The following CDC42BPA variants were observed in gnomAD, a reference collection of about 807,000 sequenced individuals.
CDC42BPA encodes the protein CDC42 binding protein kinase alpha.
Under a neutral mutation model 223.5 loss-of-function variants are expected in CDC42BPA, and 80 were observed. That is an observed-to-expected ratio of 0.36 (90% CI 0.30 to 0.43). The LOEUF is 0.43. Among genes scored for constraint, CDC42BPA ranks in the 20% least tolerant of loss-of-function variants. The pLI is 1.00. For missense variants in CDC42BPA, 1,743 were observed against 2,099.9 expected (o/e 0.83, Z 3.32); for synonymous variants, 694 against 718.6 (o/e 0.97, Z 0.55).
intron 1 of CDC42BPA, among the ~76,000 whole-genome samples, chr1:227,314,653 T>C: frequency 6.6e-6 from 1 of 151,992 alleles, no homozygotes; most frequent in Non-Finnish European, 1.5e-5. Flanking sequence ...AGCATAAAGA[T>C]AAGTAGCATC....
intron 15 of CDC42BPA, among the ~76,000 whole-genome samples, chr1:227,095,938 A>G (rs917846282): frequency 7.9e-5 from 12 of 152,190 alleles, no homozygotes; most frequent in African/African-American, 2.9e-4. Context: ...AAACAGGCAT[A>G]TATCTACAGC....
intron 14 of CDC42BPA, among the ~76,000 whole-genome samples, chr1:227,103,025 C>A (rs1193931344): frequency 6.6e-6 from 1 of 151,946 alleles, no homozygotes; most frequent in Non-Finnish European, 1.5e-5. Flanking sequence ...TATCAAAATA[C>A]TATTTACGTG....
At chr1:227,284,069 A>AT (rs1558952128) in intron 1 of CDC42BPA, among the ~76,000 whole-genome samples, 2 of 148,734 alleles carry the variant, frequency 1.3e-5, no homozygotes, top group Non-Finnish European at 3.0e-5. Flanking sequence ...AAATATATAT[A>AT]CTTTTTAATT....
chr1:227,255,912 T>C (rs12133230), intron 1 of CDC42BPA, among the ~76,000 whole-genome samples: 17,567 of 152,072 alleles, frequency 0.12, 1,233 homozygotes, highest in South Asian at 0.18. Flanking sequence ...GCAATCCCTA[T>C]CAAAATTACA....
At chr1:227,003,154 A>C (rs1572176797) in intron 35 of CDC42BPA, among the ~76,000 whole-genome samples, 1 of 152,250 alleles carries the variant, frequency 6.6e-6, no homozygotes, top group Non-Finnish European at 1.5e-5. Flanking sequence ...GAGGAAACTC[A>C]ATCTGCATCA....
At chr1:227,089,673 C>G (rs1253685552) in intron 16 of CDC42BPA, among the ~76,000 whole-genome samples, 1 of 143,234 alleles carries the variant, frequency 7.0e-6, no homozygotes, top group Non-Finnish European at 1.5e-5. Context: ...ATCCTTCAGG[C>G]CTCATCAAGG....
intron 16 of CDC42BPA, among the ~76,000 whole-genome samples, chr1:227,085,309 C>G (rs754188470): frequency 6.6e-6 from 1 of 152,194 alleles, no homozygotes; most frequent in Non-Finnish European, 1.5e-5. Context: ...GAACCAGATG[C>G]AAGTATTTTC....
Position 227,139,748 on chromosome 1 carries a change from GA to G in CDC42BPA, c.1224-7del. The stretch of plus-strand genomic sequence containing the variant: ...AGCTCCGATCAGAAAGTACACTGAA[GA>G]AAAGAAAAAAAAATGTAGGTTCATA... On this transcript the variant is annotated splice_region_variant and splice_polypyrimidine_tract_variant and intron_variant, in intron 9 of 36. Coordinates refer to ENST00000366766, the MANE Select transcript of CDC42BPA (RefSeq NM_001394014.1). The G allele has an allele frequency of 6.8e-7, 1 of 1,471,206 alleles. No individual in the cohort carries two copies. Among genetic ancestry groups the G allele is most frequent in the Non-Finnish European group, 9.0e-7 (1 of 1,114,002 alleles). The allele number at this position is 1,471,206 out of a possible 1,614,324, so 91.1% of individuals were successfully genotyped here.
intron 1 of CDC42BPA, among the ~76,000 whole-genome samples, chr1:227,274,906 C>T (rs1017036370): frequency 2.6e-5 from 4 of 152,090 alleles, no homozygotes; most frequent in African/African-American, 9.7e-5. Flanking sequence ...CTGACCTAGC[C>T]TCAATGTATA....
intron 2 of CDC42BPA, among the ~76,000 whole-genome samples, chr1:227,253,305 T>A (rs775860679): frequency 6.6e-6 from 1 of 152,042 alleles, no homozygotes; most frequent in Non-Finnish European, 1.5e-5. Context: ...TCTTTACAAG[T>A]GAGTCGAAAT....
intron 6 of CDC42BPA, among the ~76,000 whole-genome samples, chr1:227,149,086 C>A (rs1448433097): frequency 6.6e-6 from 1 of 152,140 alleles, no homozygotes; most frequent in East Asian, 1.9e-4. Context: ...TATATACATA[C>A]CTTTTGCCTT....
At chr1:227,118,518 T>A (rs1303350714) in intron 12 of CDC42BPA, among the ~76,000 whole-genome samples, 1 of 152,098 alleles carries the variant, frequency 6.6e-6, no homozygotes, top group Non-Finnish European at 1.5e-5. Context: ...AGCACTATCA[T>A]CTTCTCAAAA....
intron 32 of CDC42BPA, among the ~76,000 whole-genome samples, chr1:227,021,168 T>C (rs1422673167): frequency 6.6e-6 from 1 of 152,156 alleles, no homozygotes; most frequent in Non-Finnish European, 1.5e-5. Flanking sequence ...GTTTGAAATA[T>C]TGCAAGAATT....
At chr1:227,031,197 G>A in intron 28 of CDC42BPA, 101 bp downstream of exon 28, 1 of 822,898 alleles carries the variant, frequency 1.2e-6, no homozygotes, top group South Asian at 1.6e-5. Context: ...ATGATGCACA[G>A]TATGTTGGAC....
rs577878209 is a variant in CDC42BPA at position 227,080,661 on chromosome 1, G to T, written c.2480+232C>A. On this transcript the variant is annotated intron_variant, in intron 17 of 36. Coordinates refer to ENST00000366766, the MANE Select transcript of CDC42BPA (RefSeq NM_001394014.1). ...GTAATAATAATCAGATTTCAATGAA[G>T]CTGTGTTAAATGCTGGTATGGGACA... is the stretch of plus-strand genomic sequence containing the variant. Among the ~76,000 whole-genome samples the T allele has an allele frequency of 5.3e-5, 8 of 152,272 alleles. No homozygotes were observed. In the East Asian group the frequency reaches 1.5e-3, roughly 29 times the overall value.
At chr1:227,104,701 T>TTA (rs1685606333) in intron 14 of CDC42BPA, among the ~76,000 whole-genome samples, 1 of 152,108 alleles carries the variant, frequency 6.6e-6, no homozygotes, top group Non-Finnish European at 1.5e-5. Flanking sequence ...CCCTAATTCA[T>TTA]TAAGACTGCG....
chr1:227,046,731 G>A (rs73089763), intron 23 of CDC42BPA, among the ~76,000 whole-genome samples: 4,800 of 152,138 alleles, frequency 0.032, 225 homozygotes, highest in African/African-American at 0.11. Flanking sequence ...CTAGCACATT[G>A]CTTGAGAAGG....
At chr1:227,223,052 G>T (rs1220308591) in intron 2 of CDC42BPA, among the ~76,000 whole-genome samples, 1 of 152,192 alleles carries the variant, frequency 6.6e-6, no homozygotes, top group Admixed American at 6.5e-5. Context: ...CCTATAAAAA[G>T]TAAAGAAGAG....
chr1:227,303,953 T>A (rs189544816), intron 1 of CDC42BPA, among the ~76,000 whole-genome samples: 37 of 152,378 alleles, frequency 2.4e-4, no homozygotes, highest in Admixed American at 1.0e-3. Flanking sequence ...GCAGAGTTAA[T>A]CTAAGAACTT....
Sources: allele counts gnomAD v4.1 joint callset (sites outside exome capture counted in the v4.1 genomes callset), GRCh38; gene constraint gnomAD v4.1.1; transcripts MANE v1.5; gene names NCBI Gene and HGNC (gene_info 2026-07-23, HGNC 2026-07-21).